ADCY2: variants seen among roughly 807,000 people sequenced by gnomAD.
ADCY2 encodes the protein adenylate cyclase type 2.
A neutral mutation model predicts 125.2 loss-of-function variants in ADCY2; 31 were observed. The ratio of observed to expected loss-of-function variants is 0.25; its 90% CI spans 0.19 to 0.33. ADCY2 has a LOEUF of 0.33. Ranked by LOEUF, ADCY2 falls within the 10% of genes least tolerant of loss-of-function variation. The pLI, the probability that ADCY2 is intolerant of heterozygous loss-of-function variation, is 1.00. For synonymous variants in ADCY2, 512 were observed against 548.4 expected, an observed-to-expected ratio of 0.93 and a Z score of 0.93; for missense variants, 904 against 1,418.2, an observed-to-expected ratio of 0.64 and a Z score of 5.82.
chr5:7,518,642 G>A (rs756876234), intron 2 of ADCY2, among the ~76,000 whole-genome samples: 5 of 152,146 alleles, frequency 3.3e-5, no homozygotes, highest in African/African-American at 7.2e-5. Context: ...GGGAGGAGAC[G>A]GGGGCATGAA....
intron 3 of ADCY2, among the ~76,000 whole-genome samples, chr5:7,528,543 G>A (rs1734545471): frequency 1.3e-5 from 2 of 152,098 alleles, no homozygotes; most frequent in South Asian, 4.2e-4. Context: ...TTTGATCAAA[G>A]GAGCATAAAA....
At chr5:7,575,860 T>G (rs1466622482) in intron 3 of ADCY2, among the ~76,000 whole-genome samples, 1 of 152,198 alleles carries the variant, frequency 6.6e-6, no homozygotes, top group Non-Finnish European at 1.5e-5. Context: ...AAACAAAATC[T>G]GCATCTTTAA....
intron 2 of ADCY2, among the ~76,000 whole-genome samples, chr5:7,436,519 C>G (rs1351515783): frequency 6.6e-6 from 1 of 152,150 alleles, no homozygotes. Flanking sequence ...TATAGTAAAA[C>G]CGTGATTGTA....
At chr5:7,551,130 T>G (rs1735326793) in intron 3 of ADCY2, among the ~76,000 whole-genome samples, 1 of 151,594 alleles carries the variant, frequency 6.6e-6, no homozygotes. Context: ...TTCTGATCCT[T>G]GTGTTCAAGG....
intron 3 of ADCY2, among the ~76,000 whole-genome samples, chr5:7,590,214 T>A (rs1041538747): frequency 3.3e-5 from 5 of 152,178 alleles, no homozygotes; most frequent in Non-Finnish European, 7.4e-5. Flanking sequence ...AAGAGAGGTA[T>A]AAGAAAGCTA....
At chr5:7,652,017 T>C (rs1472740651) in intron 4 of ADCY2, among the ~76,000 whole-genome samples, 1 of 152,152 alleles carries the variant, frequency 6.6e-6, no homozygotes, top group Non-Finnish European at 1.5e-5. Context: ...TTGACCAGGA[T>C]GGCCTCTATT....
At chr5:7,553,279 G>T (rs1735396787) in intron 3 of ADCY2, among the ~76,000 whole-genome samples, 1 of 152,188 alleles carries the variant, frequency 6.6e-6, no homozygotes, top group Non-Finnish European at 1.5e-5. Flanking sequence ...GTAAAGTGTT[G>T]CAGCTCATTA....
intron 10 of ADCY2, among the ~76,000 whole-genome samples, chr5:7,712,029 T>G (rs6863294): frequency 0.044 from 6,753 of 152,258 alleles, 497 homozygotes; most frequent in African/African-American, 0.15. Context: ...CACTCTTGAT[T>G]CAACATTGAT....
intron 12 of ADCY2, 144 bp from the exon 13 acceptor site, chr5:7,724,401 A>G (rs1741868171): frequency 3.1e-6 from 2 of 643,262 alleles, no homozygotes; most frequent in Non-Finnish European, 5.3e-6. Context: ...GTTAGTTGGC[A>G]TCACGTGTTT....
chr5:7,583,061 A>G (rs1736489256), intron 3 of ADCY2, among the ~76,000 whole-genome samples: 1 of 152,112 alleles, frequency 6.6e-6, no homozygotes. Context: ...GTAGGAAAAA[A>G]TGTAAAATAA....
At chr5:7,712,200 C>A (rs1431044564) in intron 10 of ADCY2, among the ~76,000 whole-genome samples, 1 of 152,078 alleles carries the variant, frequency 6.6e-6, no homozygotes, top group African/African-American at 2.4e-5. Flanking sequence ...AGTTTTGTTC[C>A]AACTTTTATT....
chr5:7,676,257 G>T (rs1248024323), intron 4 of ADCY2, among the ~76,000 whole-genome samples: 1 of 152,164 alleles, frequency 6.6e-6, no homozygotes. Context: ...AGAACATCTT[G>T]CTACGGGTAG....
chr5:7,717,275 T>G, intron 12 of ADCY2, 38 bp downstream of exon 12: 2 of 1,473,154 alleles, frequency 1.4e-6, no homozygotes, highest in Non-Finnish European at 1.9e-6. Flanking sequence ...TTTCATCTTT[T>G]ATTATGTTCC....
At chr5:7,602,557 A>C (rs1480678071) in intron 3 of ADCY2, among the ~76,000 whole-genome samples, 1 of 152,110 alleles carries the variant, frequency 6.6e-6, no homozygotes, top group Non-Finnish European at 1.5e-5. Context: ...ACAATGCTCC[A>C]TTCACCCTTA....
chr5:7,415,935 G>T (rs908396742), intron 2 of ADCY2, among the ~76,000 whole-genome samples: 4 of 152,052 alleles, frequency 2.6e-5, no homozygotes, highest in South Asian at 2.1e-4. Flanking sequence ...GAGGGCTGTC[G>T]CAGGGTTGAT....
At chr5:7,788,927 A>G (rs1257856088) in intron 19 of ADCY2, among the ~76,000 whole-genome samples, 1 of 152,272 alleles carries the variant, frequency 6.6e-6, no homozygotes, top group Non-Finnish European at 1.5e-5. Context: ...GCACAAAATG[A>G]TGCCAAGACC....
chr5:7,715,618 A>G (rs1260934995), intron 11 of ADCY2, among the ~76,000 whole-genome samples: 1 of 151,724 alleles, frequency 6.6e-6, no homozygotes, highest in Non-Finnish European at 1.5e-5. Context: ...GGAATTTGGT[A>G]TGCTAAAACC....
Position 7,447,538 on chromosome 5 carries a change from T to C in ADCY2, c.408+32768T>C, listed in dbSNP as rs902521. On this transcript the variant is annotated intron_variant, in intron 2 of 24. Coordinates refer to ENST00000338316, the MANE Select transcript of ADCY2 (RefSeq NM_020546.3). Reference sequence around the variant, plus strand: ...GTCAGGTAATCTCCACACCTCCCCCTACCTCATGTGATTTCTGTTTTTCAG... The same window carrying C: ...GTCAGGTAATCTCCACACCTCCCCCCACCTCATGTGATTTCTGTTTTTCAG... 2.0e-5 allele frequency among the ~76,000 whole-genome samples: 3 copies of C among 152,172 alleles called. No individual in the cohort carries two copies. In the East Asian group the frequency reaches 5.8e-4, roughly 29 times the overall value.
At chr5:7,649,840 C>A (rs1341136065) in intron 4 of ADCY2, among the ~76,000 whole-genome samples, 1 of 152,138 alleles carries the variant, frequency 6.6e-6, no homozygotes, top group Admixed American at 6.5e-5. Flanking sequence ...CTTTCCCCCT[C>A]TTTACCCCTC....
Sources: gnomAD v4.1 joint callset for allele counts (sites outside exome capture counted in the v4.1 genomes callset) on GRCh38, gnomAD v4.1.1 for gene constraint, MANE v1.5 for transcripts, NCBI Gene and HGNC (gene_info 2026-07-23, HGNC 2026-07-21) for gene names.